Variants in LRP1B observed in about 807,000 individuals in gnomAD.
The protein encoded by LRP1B is LDL receptor related protein 1B.
LRP1B carries 217 observed loss-of-function variants against 556.6 expected under a neutral mutation model. That is an observed-to-expected ratio of 0.39 (90% CI 0.35 to 0.44). LRP1B has a LOEUF of 0.44. Among genes scored for constraint, LRP1B ranks in the 20% least tolerant of loss-of-function variants. The pLI is 1.00. For synonymous variants in LRP1B, 2,047 were observed against 1,865.8 expected, an observed-to-expected ratio of 1.10 and a Z score of -2.50; for missense variants, 5,053 against 5,620.8, an observed-to-expected ratio of 0.90 and a Z score of 3.23.
At chr2:141,184,254 T>C (rs1411545099) in intron 7 of LRP1B, among the ~76,000 whole-genome samples, 1 of 152,074 alleles carries the variant, frequency 6.6e-6, no homozygotes, top group Non-Finnish European at 1.5e-5. Context: ...AATAAGGTTG[T>C]TCCTCTGTTA....
At position 140,232,999 on chromosome 2, in the gene LRP1B, C is replaced by A. The variant is rs565491883; in HGVS notation, c.*187G>T. 2 of 416,666 alleles carry A rather than the reference C, an allele frequency of 4.8e-6. No individual in the cohort carries two copies. The highest frequency in any genetic ancestry group is 8.5e-6 in the Non-Finnish European group (2 of 235,928). 25.8% of individuals were successfully genotyped at this position (416,666 alleles called of 1,614,324 possible). The stretch of plus-strand genomic sequence containing the variant: ...AGTGCAGTTCTTTTTCATAAAAATA[C>A]CATACAAATGGTCAATCAATAGTCA... On this transcript the variant is annotated 3_prime_UTR_variant, in exon 91 of 91. Transcript: ENST00000389484.
At position 140,601,484 on chromosome 2, in the gene LRP1B, G is replaced by A. The variant is rs778727083; in HGVS notation, c.6955C>T (p.His2319Tyr). ...TCATCCAAGGCTAGCACATGTGGAT[G>A]GTCATCTTCTGACATGGTGATGACA... ...EAVITMSEDD[H>Y]PHVLALDECQ... is the part of the protein sequence containing the mutation. Residue 2319 changes from histidine to tyrosine, a missense_variant, in exon 42 of 91, where the codon CAT (histidine) becomes TAT (tyrosine). Transcript: ENST00000389484. The A allele has an allele frequency of 1.9e-6, 3 of 1,612,372 alleles. No homozygotes were observed. Among genetic ancestry groups the A allele is most frequent in the African/African-American group, 1.3e-5 (1 of 74,808 alleles).
chr2:141,131,749 T>C (rs1279904344), intron 7 of LRP1B, among the ~76,000 whole-genome samples: 1 of 152,014 alleles, frequency 6.6e-6, no homozygotes, highest in African/African-American at 2.4e-5. Context: ...TCATGAGCTG[T>C]CATCAAATCA....
intron 2 of LRP1B, among the ~76,000 whole-genome samples, chr2:141,665,389 G>C (rs574657718): frequency 1.3e-5 from 2 of 152,208 alleles, no homozygotes; most frequent in African/African-American, 4.8e-5. Flanking sequence ...ATCCCATCTC[G>C]TGCCAGTCAT....
At chr2:141,358,279 T>C (rs1688696272) in intron 3 of LRP1B, among the ~76,000 whole-genome samples, 2 of 152,140 alleles carry the variant, frequency 1.3e-5, no homozygotes, top group South Asian at 2.1e-4. Context: ...TTTGGAACAA[T>C]ATAGGAAGCC....
chr2:140,657,842 T>A lies in LRP1B; in HGVS notation c.6799+42408A>T, dbSNP rs1183894202. Among the ~76,000 whole-genome samples, 8 of 152,108 alleles carry A rather than the reference T, an allele frequency of 5.3e-5. No individual in the cohort carries two copies. The South Asian group carries it at 1.7e-3, about 32-fold the overall frequency. On this transcript the variant is annotated intron_variant, in intron 41 of 90. Transcript: ENST00000389484. ...AATATTTACTGATGTAATAGCCTGT[T>A]GCCTGGAATTTGTTTCGAAGTAACC...
intron 2 of LRP1B, among the ~76,000 whole-genome samples, chr2:141,768,320 C>T (rs905409475): frequency 7.9e-5 from 12 of 152,110 alleles, no homozygotes; most frequent in Admixed American, 2.6e-4. Context: ...CAGCTCTTTT[C>T]GTTCTTGAGC....
chr2:141,358,577 A>T (rs1688709450), intron 3 of LRP1B, among the ~76,000 whole-genome samples: 1 of 152,198 alleles, frequency 6.6e-6, no homozygotes. Context: ...CTGCCTTTCC[A>T]TTGGCCTAAT....
At chr2:140,869,449 G>A (rs187822586) in intron 25 of LRP1B, among the ~76,000 whole-genome samples, 5 of 152,170 alleles carry the variant, frequency 3.3e-5, no homozygotes, top group African/African-American at 1.2e-4. Context: ...CAGTATATCT[G>A]TCTAATCAGT....
At chr2:140,793,262 T>G (rs977207909) in intron 32 of LRP1B, among the ~76,000 whole-genome samples, 1 of 152,026 alleles carries the variant, frequency 6.6e-6, no homozygotes, top group African/African-American at 2.4e-5. Flanking sequence ...GTTATATGAC[T>G]TCGACTTTGA....
At chr2:141,953,972 AT>A (rs1251865397) in intron 1 of LRP1B, among the ~76,000 whole-genome samples, 1 of 152,052 alleles carries the variant, frequency 6.6e-6, no homozygotes, top group Admixed American at 6.6e-5. Context: ...TAAAATTCCT[AT>A]TACTTTAATA....
At chr2:141,373,784 G>T (rs1166068989) in intron 3 of LRP1B, among the ~76,000 whole-genome samples, 1 of 151,904 alleles carries the variant, frequency 6.6e-6, no homozygotes, top group African/African-American at 2.4e-5. Flanking sequence ...ATTGATATAT[G>T]AGCCTTTGTT....
chr2:140,435,598 A>G (rs994290915), intron 66 of LRP1B, among the ~76,000 whole-genome samples: 2 of 151,948 alleles, frequency 1.3e-5, no homozygotes, highest in East Asian at 1.9e-4. Flanking sequence ...CTCCTGACTC[A>G]TTGTGTAGGC....
Position 142,124,577 on chromosome 2 carries a change from AAAAGT to A in LRP1B, c.82+6066_82+6070del, listed in dbSNP as rs1707572001. 4.0e-5 allele frequency among the ~76,000 whole-genome samples: 6 copies of A among 149,220 alleles called. 1 individual carries two copies. Among genetic ancestry groups the A allele is most frequent in the African/African-American group, 1.4e-4 (6 of 41,382 alleles). On this transcript the variant is annotated intron_variant, in intron 1 of 90. Transcript: ENST00000389484. Reference sequence around the variant, plus strand: ...AAATGGAGAAATACAAATTCAGTTAAAAAGTAAAGACAAAAAGAAAAATAATAAAT... The same window carrying A: ...AAATGGAGAAATACAAATTCAGTTAAAAAGACAAAAAGAAAAATAATAAAT...
At chr2:141,950,229 G>A (rs1037181508) in intron 1 of LRP1B, among the ~76,000 whole-genome samples, 2 of 152,000 alleles carry the variant, frequency 1.3e-5, no homozygotes, top group Non-Finnish European at 1.5e-5. Context: ...TTGAATTTCT[G>A]AAAATATTTT....
At chr2:140,542,798 G>C (rs1181288677) in intron 43 of LRP1B, among the ~76,000 whole-genome samples, 2 of 152,136 alleles carry the variant, frequency 1.3e-5, no homozygotes, top group East Asian at 3.9e-4. Context: ...CAGTTCAGCA[G>C]AGGGAACTGT....
intron 7 of LRP1B, among the ~76,000 whole-genome samples, chr2:141,182,581 G>A (rs1681054001): frequency 6.6e-6 from 1 of 151,748 alleles, no homozygotes; most frequent in Non-Finnish European, 1.5e-5. Context: ...ACCTGGGAGA[G>A]AAGCTGCAAC....
chr2:141,955,361 T>C (rs1204968532), intron 1 of LRP1B, among the ~76,000 whole-genome samples: 1 of 152,146 alleles, frequency 6.6e-6, no homozygotes, highest in East Asian at 1.9e-4. Flanking sequence ...AGTGTATGCA[T>C]TTTCTGCATC....
chr2:140,982,165 G>T lies in LRP1B; in HGVS notation c.2882C>A (p.Ser961Tyr), dbSNP rs2105343535. 6.2e-7 allele frequency: 1 copy of T among 1,611,466 alleles called. No homozygotes were observed. Among genetic ancestry groups the T allele is most frequent in the Non-Finnish European group, 8.5e-7 (1 of 1,178,036 alleles). The change falls in exon 18 of 91, where the codon TCT becomes TAT. Residue 961 changes from serine to tyrosine, a missense_variant. Physicochemically the swap from Ser to Tyr is moderately radical, Grantham distance 144 (BLOSUM62 -2). Transcript: ENST00000389484. ...ATGTCTCACTCACAACTTACCACAA[G>T]ATGCCATTTCATCTGTCTGGTCACC... ...DCGDQTDEMA[S>Y]CEFPTCEPLT...
Sources: allele counts gnomAD v4.1 joint callset (sites outside exome capture counted in the v4.1 genomes callset), GRCh38; gene constraint gnomAD v4.1.1; transcripts MANE v1.5; gene names NCBI Gene and HGNC (gene_info 2026-07-23, HGNC 2026-07-21).